Variants in FAT3 observed in about 807,000 individuals in gnomAD.
FAT3 encodes the protein protocadherin Fat 3.
In FAT3, 95 loss-of-function variants were observed where a neutral mutation model predicts 310.2. The ratio of observed to expected loss-of-function variants is 0.31; its 90% confidence interval spans 0.26 to 0.36. FAT3 has a LOEUF of 0.36. FAT3 is among the 10% of genes least tolerant of loss of function. The pLI, the probability that FAT3 is intolerant of heterozygous loss-of-function variation, is 1.00. For synonymous variants in FAT3, 2,314 were observed against 2,192.9 expected (o/e 1.06, Z -1.54); for missense variants, 5,408 against 5,715.6 (o/e 0.95, Z 1.74).
At chr11:92,701,278 C>T (rs1423842316) in intron 4 of FAT3, among the ~76,000 whole-genome samples, 1 of 152,082 alleles carries the variant, frequency 6.6e-6, no homozygotes, top group Non-Finnish European at 1.5e-5. Flanking sequence ...GTTTGCTATC[C>T]CCATGGTAGA....
At chr11:92,460,249 TGTCTG>T (rs140139247) in intron 2 of FAT3, among the ~76,000 whole-genome samples, 8,354 of 152,262 alleles carry the variant, frequency 0.055, 466 homozygotes, top group African/African-American at 0.14. Flanking sequence ...ATTAAGCTCT[TGTCTG>T]GTCCCTGGCA....
intron 1 of FAT3, among the ~76,000 whole-genome samples, chr11:92,254,098 G>C (rs776842652): frequency 9.2e-5 from 14 of 152,134 alleles, no homozygotes; most frequent in Non-Finnish European, 1.8e-4. Flanking sequence ...CACTCTGATG[G>C]GCTCTGGGTT....
intron 4 of FAT3, among the ~76,000 whole-genome samples, chr11:92,747,403 G>A (rs945933808): frequency 6.6e-6 from 1 of 152,198 alleles, no homozygotes; most frequent in African/African-American, 2.4e-5. Flanking sequence ...ATGTCCTGAG[G>A]CTGCACAGAG....
intron 1 of FAT3, among the ~76,000 whole-genome samples, chr11:92,329,347 G>A (rs1054211455): frequency 2.6e-5 from 4 of 151,788 alleles, no homozygotes; most frequent in Admixed American, 2.0e-4. Flanking sequence ...CTGTTAAAAA[G>A]AGCCTGGCAT....
chr11:92,493,192 A>G (rs1411684476), intron 2 of FAT3, among the ~76,000 whole-genome samples: 4 of 152,010 alleles, frequency 2.6e-5, no homozygotes, highest in Non-Finnish European at 4.4e-5. Context: ...TTTTTCCCCA[A>G]TCCTAGCTTG....
chr11:92,231,963 A>G (rs950173723), intron 1 of FAT3, among the ~76,000 whole-genome samples: 1 of 152,116 alleles, frequency 6.6e-6, no homozygotes, highest in Admixed American at 6.5e-5. Context: ...AGTCTATGTG[A>G]TCAATATTTT....
intron 2 of FAT3, among the ~76,000 whole-genome samples, chr11:92,512,356 G>A (rs778668627): frequency 6.6e-6 from 1 of 151,464 alleles, no homozygotes. Flanking sequence ...GAGCAGAGGA[G>A]GGTGGCTTTA....
intron 2 of FAT3, among the ~76,000 whole-genome samples, chr11:92,361,094 C>T (rs1948869781): frequency 6.6e-6 from 1 of 152,146 alleles, no homozygotes; most frequent in African/African-American, 2.4e-5. Context: ...GCTGAAACAG[C>T]ACTGTGGCAG....
intron 24 of FAT3, among the ~76,000 whole-genome samples, chr11:92,885,484 C>T (rs1949774912): frequency 6.6e-6 from 1 of 152,118 alleles, no homozygotes; most frequent in African/African-American, 2.4e-5. Context: ...AACAGAGGGC[C>T]AAGAATGAAT....
chr11:92,568,933 T>C (rs938088257), intron 3 of FAT3, among the ~76,000 whole-genome samples: 5 of 152,072 alleles, frequency 3.3e-5, no homozygotes, highest in South Asian at 2.1e-4. Flanking sequence ...ACCTCTCTCT[T>C]CCCCTCACTA....
chr11:92,537,978 T>C (rs1442729432), intron 3 of FAT3, among the ~76,000 whole-genome samples: 1 of 152,140 alleles, frequency 6.6e-6, no homozygotes, highest in African/African-American at 2.4e-5. Context: ...ATGTTATTGC[T>C]GGGAGTTTTC....
chr11:92,859,086 G>A, intron 20 of FAT3, 79 bp from the exon 21 acceptor site: 1 of 1,397,016 alleles, frequency 7.2e-7, no homozygotes, highest in Non-Finnish European at 9.7e-7. Flanking sequence ...TTGGTTGGTG[G>A]TTGTTGGGTG....
chr11:92,376,159 C>A (rs1450001805), intron 2 of FAT3, among the ~76,000 whole-genome samples: 1 of 152,058 alleles, frequency 6.6e-6, no homozygotes, highest in Non-Finnish European at 1.5e-5. Flanking sequence ...GAGTTTGTAC[C>A]CCTGTACTCT....
chr11:92,714,339 A>C (rs1283835030), intron 4 of FAT3, among the ~76,000 whole-genome samples: 1 of 151,938 alleles, frequency 6.6e-6, no homozygotes, highest in African/African-American at 2.4e-5. Context: ...ATAATCCTCC[A>C]CTCCAGTAGC....
At chr11:92,527,225 T>G (rs1953897432) in intron 3 of FAT3, among the ~76,000 whole-genome samples, 1 of 152,150 alleles carries the variant, frequency 6.6e-6, no homozygotes, top group African/African-American at 2.4e-5. Context: ...GGAAACAGAC[T>G]GTATTGCACA....
intron 3 of FAT3, among the ~76,000 whole-genome samples, chr11:92,565,294 G>A (rs997389313): frequency 2.6e-5 from 4 of 150,966 alleles, no homozygotes; most frequent in Non-Finnish European, 4.4e-5. Context: ...TAGAAGAAAC[G>A]GATAAATTCC....
intron 12 of FAT3, among the ~76,000 whole-genome samples, chr11:92,808,346 A>G (rs1947566119): frequency 6.6e-6 from 1 of 152,202 alleles, no homozygotes. Flanking sequence ...GAAAAAGGAA[A>G]CTGCTTAAAG....
intron 1 of FAT3, among the ~76,000 whole-genome samples, chr11:92,350,118 AC>A (rs911374502): frequency 3.3e-5 from 5 of 152,126 alleles, no homozygotes; most frequent in Non-Finnish European, 7.3e-5. Flanking sequence ...AAAGGTAAAA[AC>A]TTTTTCCTAT....
intron 3 of FAT3, among the ~76,000 whole-genome samples, chr11:92,672,006 C>A (rs2135826975): frequency 6.6e-6 from 1 of 152,252 alleles, no homozygotes; most frequent in Middle Eastern, 3.4e-3. Context: ...GTAATCCCAG[C>A]TATTCAGGAG....
Sources: allele counts gnomAD v4.1 joint callset (sites outside exome capture counted in the v4.1 genomes callset), GRCh38; gene constraint gnomAD v4.1.1; transcripts MANE v1.5; gene names NCBI Gene and HGNC (gene_info 2026-07-23, HGNC 2026-07-21).